SPOCK3: variants seen among roughly 807,000 people sequenced by gnomAD.
SPOCK3 encodes testican-3.
In SPOCK3, 30 loss-of-function variants were observed where a neutral mutation model predicts 56.6. The observed-to-expected ratio is 0.53, with a 90% CI of 0.40 to 0.72. The LOEUF is 0.72. SPOCK3 is among the 30% of genes least tolerant of loss of function. The pLI is 0.00. For missense variants in SPOCK3, 527 were observed against 530.0 expected, an observed-to-expected ratio of 0.99 and a Z score of 0.06; for synonymous variants, 196 against 183.3, an observed-to-expected ratio of 1.07 and a Z score of -0.56.
At chr4:167,137,311 C>A (rs1382281805) in intron 2 of SPOCK3, among the ~76,000 whole-genome samples, 1 of 151,712 alleles carries the variant, frequency 6.6e-6, no homozygotes, top group Non-Finnish European at 1.5e-5. Context: ...TGTTTCTCAT[C>A]CATGGGATCT....
chr4:166,868,558 T>A (rs1330280281), intron 6 of SPOCK3, among the ~76,000 whole-genome samples: 1 of 152,172 alleles, frequency 6.6e-6, no homozygotes, highest in Non-Finnish European at 1.5e-5. Context: ...TTAAAACCTA[T>A]GTCCAGGTAA....
intron 8 of SPOCK3, among the ~76,000 whole-genome samples, chr4:166,749,367 C>A (rs1736067101): frequency 2.2e-5 from 2 of 91,902 alleles, no homozygotes; most frequent in Admixed American, 9.1e-5. Context: ...AACTATCATT[C>A]TGAGCAAACT....
chr4:167,160,801 AT>A (rs1413646853), intron 2 of SPOCK3, among the ~76,000 whole-genome samples: 2 of 152,182 alleles, frequency 1.3e-5, no homozygotes, highest in Non-Finnish European at 2.9e-5. Context: ...AGGACTCCCT[AT>A]TTAATAAATG....
In SPOCK3 at chr4:167,011,196, C is replaced by CA. The variant is rs200494634; in HGVS notation, c.236-10734dup. ...TATAATACAAATTGAGTAAAAAATA[C>CA]AAAAAAAAATGCGGGAAAAGCTTAC... On this transcript the variant is annotated intron_variant, in intron 3 of 10. Transcript: ENST00000357545. 1,570 of 405,724 alleles carry CA rather than the reference C, an allele frequency of 3.9e-3. 6 individuals are homozygous for CA. The highest frequency in any genetic ancestry group is 0.01 in the African/African-American group (496 of 47,942). 25.1% of individuals were successfully genotyped at this position (405,724 alleles called of 1,614,324 possible). A position where few individuals can be genotyped will look rare whatever the true frequency, so the allele number is the denominator to read the frequency against.
intron 6 of SPOCK3, among the ~76,000 whole-genome samples, chr4:166,850,170 A>G (rs1748529617): frequency 6.6e-6 from 1 of 152,190 alleles, no homozygotes; most frequent in Admixed American, 6.5e-5. Context: ...ATTGTTTTCC[A>G]TAGCAATTGC....
chr4:166,951,224 A>T (rs1742575413), intron 4 of SPOCK3, among the ~76,000 whole-genome samples: 1 of 142,564 alleles, frequency 7.0e-6, no homozygotes, highest in African/African-American at 2.9e-5. Context: ...AATCAAATAG[A>T]TGCAATAAAA....
At chr4:166,893,209 G>A (rs1289004190) in intron 5 of SPOCK3, among the ~76,000 whole-genome samples, 2 of 152,140 alleles carry the variant, frequency 1.3e-5, no homozygotes, top group Non-Finnish European at 2.9e-5. Context: ...CCTAGACTGA[G>A]AAGCCTTGAT....
chr4:166,938,947 TAC>T (rs1554005597), intron 4 of SPOCK3, among the ~76,000 whole-genome samples: 1 of 102,828 alleles, frequency 9.7e-6, no homozygotes, highest in Non-Finnish European at 2.0e-5. Context: ...AAGACACACA[TAC>T]ACACACCACA....
intron 6 of SPOCK3, among the ~76,000 whole-genome samples, chr4:166,834,493 T>C (rs560080507): frequency 1.3e-5 from 2 of 152,190 alleles, no homozygotes; most frequent in Non-Finnish European, 2.9e-5. Flanking sequence ...TTCTCTATGG[T>C]CAGGTGAGAA....
At chr4:166,972,323 C>T (rs986555237) in intron 4 of SPOCK3, among the ~76,000 whole-genome samples, 5 of 152,216 alleles carry the variant, frequency 3.3e-5, no homozygotes, top group African/African-American at 1.2e-4. Flanking sequence ...CAATAAGAAA[C>T]TTAAATGCAC....
rs144476635 is a variant in SPOCK3, at chr4:166,934,604, T to C, written c.351-21861A>G. 1.7e-3 allele frequency among the ~76,000 whole-genome samples: 258 copies of C among 152,328 alleles called. 7 individuals carry two copies. In the East Asian group the frequency reaches 0.036, roughly 21 times the overall value. On this transcript the variant is annotated intron_variant, in intron 4 of 10. Coordinates refer to ENST00000357545, the MANE Select transcript of SPOCK3 (RefSeq NM_001040159.2). ...TGTATTTAGAAATGATCTATATATG[T>C]GTTTACTTATAATAATCTATGTGAT...
intron 2 of SPOCK3, among the ~76,000 whole-genome samples, chr4:167,065,003 C>A (rs1473460990): frequency 7.8e-6 from 1 of 127,538 alleles, no homozygotes; most frequent in South Asian, 2.5e-4. Context: ...CCATAAACTC[C>A]TCCTCCTCCT....
chr4:166,735,679 G>A (rs941712380), intron 10 of SPOCK3, among the ~76,000 whole-genome samples: 2 of 151,974 alleles, frequency 1.3e-5, no homozygotes, highest in Non-Finnish European at 2.9e-5. Context: ...GTCGGCTTAA[G>A]TTTAGAGGAA....
chr4:166,985,581 A>T (rs895896640), intron 4 of SPOCK3, among the ~76,000 whole-genome samples: 1 of 152,160 alleles, frequency 6.6e-6, no homozygotes, highest in African/African-American at 2.4e-5. Flanking sequence ...CACAATAATA[A>T]TCCTTGGAAC....
chr4:167,071,736 C>T (rs1335288855), intron 2 of SPOCK3, among the ~76,000 whole-genome samples: 7 of 151,918 alleles, frequency 4.6e-5, no homozygotes, highest in Non-Finnish European at 8.8e-5. Context: ...GGATATATAC[C>T]CAGTAATGGG....
At chr4:167,115,535 G>A (rs997035151) in intron 2 of SPOCK3, among the ~76,000 whole-genome samples, 1 of 152,048 alleles carries the variant, frequency 6.6e-6, no homozygotes, top group Non-Finnish European at 1.5e-5. Flanking sequence ...AATAATTGTT[G>A]AGGTATTTTT....
At chr4:166,898,731 G>A (rs1487216564) in intron 5 of SPOCK3, among the ~76,000 whole-genome samples, 1 of 152,150 alleles carries the variant, frequency 6.6e-6, no homozygotes, top group Non-Finnish European at 1.5e-5. Context: ...GTGTAAAGAA[G>A]TTTTCTTGTG....
intron 3 of SPOCK3, among the ~76,000 whole-genome samples, chr4:167,021,769 C>A (rs1253807420): frequency 1.3e-5 from 2 of 151,996 alleles, no homozygotes; most frequent in African/African-American, 4.8e-5. Context: ...CAATCCAAAT[C>A]AAGATAATTT....
Position 166,910,295 on chromosome 4 carries a change from C to T in SPOCK3, c.474+2325G>A, listed in dbSNP as rs74618880. 2.6e-3 allele frequency among the ~76,000 whole-genome samples: 388 copies of T among 151,834 alleles called. 9 individuals are homozygous for T. The East Asian group carries it at 0.059, about 23-fold the overall frequency. On this transcript the variant is annotated intron_variant, in intron 5 of 10. Coordinates refer to ENST00000357545, the MANE Select transcript of SPOCK3 (RefSeq NM_001040159.2). Reference sequence around the variant, plus strand: ...GAAGCATGCTTTTTGTAATGTCTTTCTATGTAAAAAAGCATTTGTTAAAAG... The same window carrying T: ...GAAGCATGCTTTTTGTAATGTCTTTTTATGTAAAAAAGCATTTGTTAAAAG...
Sources: gnomAD v4.1 joint callset for allele counts (sites outside exome capture counted in the v4.1 genomes callset) on GRCh38, gnomAD v4.1.1 for gene constraint, MANE v1.5 for transcripts, NCBI Gene and HGNC (gene_info 2026-07-23, HGNC 2026-07-21) for gene names.